The following LMNA variants were observed in gnomAD, a reference collection of about 807,000 sequenced individuals.
The protein encoded by LMNA is lamin A/C, also known as lamin.
A neutral mutation model predicts 70.4 loss-of-function variants in LMNA; 20 were observed. The observed-to-expected ratio is 0.28, with a 90% CI of 0.20 to 0.41. The LOEUF (loss-of-function observed/expected upper bound fraction) is 0.41. LMNA is among the 10% of genes least tolerant of loss of function. LMNA has a pLI of 1.00. For missense variants in LMNA, 652 were observed against 917.2 expected, an observed-to-expected ratio of 0.71 and a Z score of 3.73; for synonymous variants, 339 against 372.8, an observed-to-expected ratio of 0.91 and a Z score of 1.04.
In LMNA at chr1:156,139,236, T is replaced by G. The variant is rs181732923; in HGVS notation, c.*130T>G. On this transcript the variant is annotated 3_prime_UTR_variant, in exon 12 of 12. Coordinates refer to ENST00000368300, the MANE Select transcript of LMNA (RefSeq NM_170707.4). ...GAAAAATAACCCTTTGGTTTTTTTC[T>G]TCTGTATTTTTTTTTCTAAGAGAAG... 2.2e-3 allele frequency: 3,359 copies of G among 1,497,662 alleles called. 13 individuals are homozygous for G. Among genetic ancestry groups the G allele is most frequent in the Non-Finnish European group, 2.2e-3 (2,528 of 1,132,524 alleles). The allele number at this position is 1,497,662 out of a possible 1,614,324, so 92.8% of individuals were successfully genotyped here. A position where few individuals can be genotyped will look rare whatever the true frequency, so the allele number is the denominator to read the frequency against.
At chr1:156,104,243 T>A (rs1353147199) in intron 3 of LMNA, among the ~76,000 whole-genome samples, 1 of 152,126 alleles carries the variant, frequency 6.6e-6, no homozygotes, top group Admixed American at 6.5e-5. Flanking sequence ...TGGGGAGCGG[T>A]GGCTCAGGCC....
chr1:156,127,521 T>TG (rs1650695604), intron 1 of LMNA, among the ~76,000 whole-genome samples: 1 of 134,488 alleles, frequency 7.4e-6, no homozygotes. Flanking sequence ...TTTTTTTTTT[T>TG]TTTTTTTTTT....
intron 1 of LMNA, among the ~76,000 whole-genome samples, chr1:156,120,742 T>G (rs1274501322): frequency 2.0e-5 from 3 of 152,138 alleles, no homozygotes; most frequent in Non-Finnish European, 4.4e-5. Context: ...AAAACTCTGC[T>G]GTCCTGCAGG....
Position 156,138,457 on chromosome 1 carries a change from C to T in LMNA, c.1699-31C>T, listed in dbSNP as rs779834816. Reference sequence around the variant, plus strand: ...CCTGAGTGGTCAGTCCCAGACTCGCCGTCCCGCCTGAGCCTTGTCTCCCTT... The same window carrying T: ...CCTGAGTGGTCAGTCCCAGACTCGCTGTCCCGCCTGAGCCTTGTCTCCCTT... On this transcript the variant is annotated intron_variant, in intron 10 of 11. Transcript: ENST00000368300. The surrounding 1 kb of genome is among the most constrained non-coding windows in gnomAD (Gnocchi z 5.5). 53 of 1,605,840 alleles carry T rather than the reference C, an allele frequency of 3.3e-5. No individual in the cohort carries two copies. The East Asian group carries it at 5.2e-4, about 16-fold the overall frequency.
chr1:156,091,697 G>C (rs1648709487), intron 3 of LMNA, among the ~76,000 whole-genome samples: 1 of 152,122 alleles, frequency 6.6e-6, no homozygotes, highest in African/African-American at 2.4e-5. Context: ...GAATACATCA[G>C]AGAACAAGAT....
chr1:156,127,040 A>G, intron 1 of LMNA: 1 of 957,570 alleles, frequency 1.0e-6, no homozygotes, highest in Non-Finnish European at 1.5e-6. Flanking sequence ...CCTCCCTGCC[A>G]ACCCAGCACG....
chr1:156,134,925 G>A lies in LMNA; in HGVS notation c.760G>A (p.Asp254Asn), dbSNP rs1553265346. 2.5e-6 allele frequency: 4 copies of A among 1,614,218 alleles called. No homozygotes were observed. The highest frequency in any genetic ancestry group is 3.4e-6 in the Non-Finnish European group (4 of 1,180,038). Residue 254 changes from aspartate to asparagine, a missense_variant, in exon 4 of 12, where the codon GAC (aspartate) becomes AAC (asparagine). Transcript: ENST00000368300. This position sits in a 1 kb window ranked among gnomAD's most constrained non-coding sequence, Gnocchi z 5.3. ...ALQELRAQHEDQVEQYKKELE... is the reference protein window; with the variant it reads ...ALQELRAQHENQVEQYKKELE... ...GCAGGAACTGCGGGCCCAGCATGAG[G>A]ACCAGGTGGAGCAGTATAAGAAGGA... is the stretch of plus-strand genomic sequence containing the variant.
At chr1:156,117,558 T>C (rs902421838) in intron 1 of LMNA, among the ~76,000 whole-genome samples, 1 of 152,062 alleles carries the variant, frequency 6.6e-6, no homozygotes, top group African/African-American at 2.4e-5. Context: ...AGATAGGGTT[T>C]CACTCTGTTA....
intron 2 of LMNA, among the ~76,000 whole-genome samples, chr1:156,084,334 G>GGGGGGGC (rs142516359): frequency 1.6e-5 from 1 of 64,130 alleles, no homozygotes; most frequent in East Asian, 2.5e-3. Flanking sequence ...AGGTCGGGGG[G>GGGGGGGC]TGGTGGGGGC....
chr1:156,092,679 CAA>C (rs1189267703), intron 3 of LMNA, among the ~76,000 whole-genome samples: 20 of 103,118 alleles, frequency 1.9e-4, no homozygotes, highest in Non-Finnish European at 1.6e-4. Context: ...GACTCCATCT[CAA>C]AAAAAAAAAA....
chr1:156,089,561 C>T (rs1572310447), intron 2 of LMNA, among the ~76,000 whole-genome samples: 1 of 150,996 alleles, frequency 6.6e-6, no homozygotes, highest in East Asian at 2.0e-4. Context: ...CCATTGCACT[C>T]CAGCCTGGGC....
At chr1:156,131,073 C>T (rs557677857) in intron 2 of LMNA, among the ~76,000 whole-genome samples, 1 of 152,042 alleles carries the variant, frequency 6.6e-6, no homozygotes, top group Non-Finnish European at 1.5e-5. Context: ...AGATCGAGAT[C>T]ATCCTGACTA....
chr1:156,133,423 T>A (rs1303357866), intron 2 of LMNA, among the ~76,000 whole-genome samples: 1 of 151,498 alleles, frequency 6.6e-6, no homozygotes, highest in Non-Finnish European at 1.5e-5. Context: ...ATACAAAAAT[T>A]AGCTGGGTGT....
Position 156,114,813 on chromosome 1 carries a change from A to T in LMNA, c.-106A>T. ...GCCTGCCAGGAGCAAGCCGAGAGCC[A>T]GCCGGCCGGCGCACTCCGACTCCGA... On this transcript the variant is annotated 5_prime_UTR_variant, in exon 1 of 12. Transcript: ENST00000368300. 1 of 770,380 alleles carries T rather than the reference A, an allele frequency of 1.3e-6. No individual in the cohort carries two copies. The highest frequency in any genetic ancestry group is 2.0e-6 in the Non-Finnish European group (1 of 500,088). The allele number at this position is 770,380 out of a possible 1,614,324, so 47.7% of individuals were successfully genotyped here.
In LMNA at chr1:156,139,641, G is replaced by A; in HGVS notation, c.*535G>A. 5 of 1,476,894 alleles carry A rather than the reference G, an allele frequency of 3.4e-6. No individual in the cohort carries two copies. The highest frequency in any genetic ancestry group is 4.5e-6 in the Non-Finnish European group (5 of 1,119,152). 91.5% of individuals were successfully genotyped at this position (1,476,894 alleles called of 1,614,324 possible). A position where few individuals can be genotyped will look rare whatever the true frequency, so the allele number is the denominator to read the frequency against. ...GCCGGGCCCCTGGGCTTGGCCTGCT[G>A]TGATTCCACTACACCTGGCTGAGGT... On this transcript the variant is annotated 3_prime_UTR_variant, in exon 12 of 12. Coordinates refer to ENST00000368300, the MANE Select transcript of LMNA (RefSeq NM_170707.4).
At chr1:156,111,642 G>A (rs776489942), upstream of LMNA, among the ~76,000 whole-genome samples, 1 of 152,168 alleles carries the variant, frequency 6.6e-6, no homozygotes, top group Non-Finnish European at 1.5e-5. Context: ...ACTGGTGGGA[G>A]GCTCCCTTGG....
chr1:156,139,720 G>T lies in LMNA; in HGVS notation c.*614G>T. ...ACCCCTGCCCCCAGCCCCGGGGTGA[G>T]TCCATTCTCCCAGGTACCAGCTGCG... On this transcript the variant is annotated 3_prime_UTR_variant, in exon 12 of 12. Coordinates refer to ENST00000368300, the MANE Select transcript of LMNA (RefSeq NM_170707.4). 1 of 1,529,426 alleles carries T rather than the reference G, an allele frequency of 6.5e-7. No individual in the cohort carries two copies. The allele number at this position is 1,529,426 out of a possible 1,614,324, so 94.7% of individuals were successfully genotyped here.
chr1:156,094,017 G>A (rs1328916238), intron 3 of LMNA, among the ~76,000 whole-genome samples: 1 of 152,084 alleles, frequency 6.6e-6, no homozygotes, highest in Non-Finnish European at 1.5e-5. Flanking sequence ...TCTGCATGAG[G>A]TTTAGTATAT....
At chr1:156,102,118 A>C (rs1020151079) in intron 3 of LMNA, among the ~76,000 whole-genome samples, 4 of 152,228 alleles carry the variant, frequency 2.6e-5, no homozygotes, top group Non-Finnish European at 5.9e-5. Context: ...TTCCTGGCTC[A>C]GAAATACCCT....
Sources: gnomAD v4.1 joint callset for allele counts (sites outside exome capture counted in the v4.1 genomes callset) on GRCh38, gnomAD v4.1.1 for gene constraint, Gnocchi (gnomAD v3.1) non-coding constraint, MANE v1.5 for transcripts, NCBI Gene and HGNC (gene_info 2026-07-23, HGNC 2026-07-21) for gene names.